The following ABTB2 variants were observed in gnomAD, a reference collection of about 807,000 sequenced individuals.
ABTB2 encodes the protein ankyrin repeat and BTB/POZ domain-containing protein 2.
In ABTB2, 56 loss-of-function variants were observed where a neutral mutation model predicts 104.1. The observed-to-expected ratio is 0.54, with a 90% CI of 0.43 to 0.67. ABTB2 has a LOEUF of 0.67. ABTB2 is among the 30% of genes least tolerant of loss of function. The pLI is 0.00. For synonymous variants in ABTB2, 606 were observed against 608.2 expected (o/e 1.00, Z 0.05); for missense variants, 1,279 against 1,407.7 (o/e 0.91, Z 1.46).
At chr11:34,311,291 A>C (rs1183564494) in intron 1 of ABTB2, among the ~76,000 whole-genome samples, 1 of 152,220 alleles carries the variant, frequency 6.6e-6, no homozygotes, top group Non-Finnish European at 1.5e-5. Context: ...GACCCAGAAA[A>C]GCACATTGCA....
intron 2 of ABTB2, 56 bp downstream of exon 2, chr11:34,204,488 G>C: frequency 6.6e-7 from 1 of 1,509,108 alleles, no homozygotes. Flanking sequence ...CCTTCCCCCA[G>C]CCCTGAGACC....
chr11:34,172,954 CA>C (rs1363381178), intron 4 of ABTB2, among the ~76,000 whole-genome samples, 200 bp downstream of exon 4: 2 of 152,216 alleles, frequency 1.3e-5, no homozygotes, highest in East Asian at 3.8e-4. Context: ...GAGACGTTTC[CA>C]GACAGCAGCC....
In ABTB2 at chr11:34,197,363, G is replaced by A; in HGVS notation, c.1206C>T (p.Pro402=). 1.9e-6 allele frequency: 3 copies of A among 1,614,012 alleles called. No individual in the cohort carries two copies. Among genetic ancestry groups the A allele is most frequent in the Non-Finnish European group, 2.5e-6 (3 of 1,179,956 alleles). Reference sequence around the variant, plus strand: ...AGGTCATTCTCGGGGGGTCCAGGTTGGGGTTCTCCATGGACTCCATCTGTG... The same window carrying A: ...AGGTCATTCTCGGGGGGTCCAGGTTAGGGTTCTCCATGGACTCCATCTGTG... ...RCPQMESMEN[P]NLDPPRMTLN... is the part of the protein sequence containing the mutation. The change falls in exon 3 of 17, where the codon CCC becomes CCT. Residue 402 remains proline (P), a synonymous_variant. Transcript: ENST00000435224.
intron 1 of ABTB2, among the ~76,000 whole-genome samples, chr11:34,221,225 C>A (rs990730881): frequency 4.6e-5 from 7 of 152,230 alleles, no homozygotes; most frequent in African/African-American, 1.7e-4. Context: ...CCTGCCTTGG[C>A]CTCCCAAAGT....
intron 1 of ABTB2, among the ~76,000 whole-genome samples, chr11:34,241,116 T>C (rs1853910760): frequency 6.6e-6 from 1 of 152,114 alleles, no homozygotes; most frequent in East Asian, 1.9e-4. Flanking sequence ...GAGAGCCTGA[T>C]GGTTTGAGTT....
intron 16 of ABTB2, among the ~76,000 whole-genome samples, chr11:34,153,254 T>G (rs1419505442): frequency 1.3e-5 from 2 of 152,048 alleles, no homozygotes; most frequent in South Asian, 4.1e-4. Context: ...AGGGGAGATG[T>G]GGGCAGGACC....
chr11:34,333,945 C>G, intron 1 of ABTB2, among the ~76,000 whole-genome samples: 1 of 149,170 alleles, frequency 6.7e-6, no homozygotes, highest in East Asian at 2.0e-4. Flanking sequence ...CTGGGATCTG[C>G]AAGCACATGA....
chr11:34,181,182 C>T (rs1410130360), intron 3 of ABTB2, among the ~76,000 whole-genome samples: 3 of 151,982 alleles, frequency 2.0e-5, no homozygotes, highest in South Asian at 2.1e-4. Context: ...AGCTTATGGG[C>T]GTGAGCCACC....
chr11:34,270,851 G>A (rs111899512), intron 1 of ABTB2, among the ~76,000 whole-genome samples: 134 of 152,266 alleles, frequency 8.8e-4, no homozygotes, highest in African/African-American at 3.0e-3. Context: ...GGTTTTCTTC[G>A]TTTTTTTAAA....
intron 3 of ABTB2, among the ~76,000 whole-genome samples, chr11:34,189,600 C>T (rs529511976): frequency 1.3e-5 from 2 of 152,272 alleles, no homozygotes; most frequent in South Asian, 4.1e-4. Context: ...GACCCTGTCT[C>T]AACAACAACA....
At chr11:34,170,094 A>G (rs890734140) in intron 5 of ABTB2, among the ~76,000 whole-genome samples, 1 of 152,160 alleles carries the variant, frequency 6.6e-6, no homozygotes, top group Non-Finnish European at 1.5e-5. Context: ...AAATAAACAC[A>G]CAGGATATTC....
intron 1 of ABTB2, among the ~76,000 whole-genome samples, chr11:34,226,204 T>TAAAA (rs34915007): frequency 7.7e-4 from 61 of 79,576 alleles, no homozygotes; most frequent in Middle Eastern, 7.5e-3. Context: ...GAGAGTCCAT[T>TAAAA]AAAAAAAAAA....
intron 1 of ABTB2, among the ~76,000 whole-genome samples, chr11:34,263,826 G>T (rs932673418): frequency 6.6e-6 from 1 of 152,166 alleles, no homozygotes; most frequent in Non-Finnish European, 1.5e-5. Context: ...TCAGGCATGC[G>T]CAAGACACTG....
At chr11:34,221,592 GT>G (rs1853623452) in intron 1 of ABTB2, among the ~76,000 whole-genome samples, 1 of 152,218 alleles carries the variant, frequency 6.6e-6, no homozygotes, top group East Asian at 1.9e-4. Flanking sequence ...CTCTAGCCAA[GT>G]CCCCTGAGGG....
chr11:34,293,646 GA>G (rs1325321579), intron 1 of ABTB2, among the ~76,000 whole-genome samples: 4 of 152,166 alleles, frequency 2.6e-5, no homozygotes, highest in Non-Finnish European at 4.4e-5. Flanking sequence ...CCAAGGTGCA[GA>G]AAAAAATTTG....
chr11:34,267,033 C>T (rs1321685867), intron 1 of ABTB2, among the ~76,000 whole-genome samples: 4 of 64,312 alleles, frequency 6.2e-5, no homozygotes, highest in Admixed American at 2.0e-4. Flanking sequence ...AGGGGCGGGG[C>T]GGGGAGGAAG....
In ABTB2 at chr11:34,356,533, A is replaced by G. The variant is rs990177651; in HGVS notation, c.883+168T>C. ...CCCTCCAAAAGTCAGACACCCTTAG[A>G]ACAATCTCTGGCAAGTGCCATGTAA... On this transcript the variant is annotated intron_variant, in intron 1 of 16. Coordinates refer to ENST00000435224, the MANE Select transcript of ABTB2 (RefSeq NM_145804.3). This position sits in a 1 kb window ranked among gnomAD's most constrained non-coding sequence, Gnocchi z 4.6. Among the ~76,000 whole-genome samples the G allele has an allele frequency of 6.6e-6, 1 of 152,194 alleles. No homozygotes were observed. The highest frequency in any genetic ancestry group is 6.5e-5 in the Admixed American group (1 of 15,286).
intron 8 of ABTB2, 133 bp from the exon 9 acceptor site, chr11:34,164,954 T>C: frequency 8.7e-7 from 1 of 1,144,006 alleles, no homozygotes; most frequent in Non-Finnish European, 1.2e-6. Flanking sequence ...CACACTCATC[T>C]GCATTTGGTG....
In ABTB2 at chr11:34,152,604, G is replaced by C; in HGVS notation, c.2881-20C>G. 6.3e-7 allele frequency: 1 copy of C among 1,597,598 alleles called. No homozygotes were observed. The highest frequency in any genetic ancestry group is 8.6e-7 in the Non-Finnish European group (1 of 1,169,094). On this transcript the variant is annotated intron_variant, in intron 16 of 16. Transcript: ENST00000435224. ...GTGGATCTGTAGGGCAGAGAGAGGA[G>C]GGGTGAAGCCCATCGCCTTAGTACA...
Sources: gnomAD v4.1 joint callset for allele counts (sites outside exome capture counted in the v4.1 genomes callset) on GRCh38, gnomAD v4.1.1 for gene constraint, Gnocchi (gnomAD v3.1) non-coding constraint, MANE v1.5 for transcripts, NCBI Gene and HGNC (gene_info 2026-07-23, HGNC 2026-07-21) for gene names.